HSD17B6: variants seen among roughly 807,000 people sequenced by gnomAD.
HSD17B6 encodes hydroxysteroid 17-beta dehydrogenase 6.
HSD17B6 carries 16 observed loss-of-function variants against 26.4 expected under a neutral mutation model. The ratio of observed to expected loss-of-function variants is 0.61; its 90% CI spans 0.41 to 0.92. The LOEUF is 0.92. HSD17B6 is among the 40% of genes least tolerant of loss of function. The pLI, the probability that HSD17B6 is intolerant of heterozygous loss-of-function variation, is 0.00. For missense variants in HSD17B6, 357 were observed against 386.1 expected, an observed-to-expected ratio of 0.92 and a Z score of 0.63; for synonymous variants, 139 against 153.0, an observed-to-expected ratio of 0.91 and a Z score of 0.68.
chr12:56,781,413 A>G (rs958622712), intron 2 of HSD17B6, among the ~76,000 whole-genome samples: 6 of 152,142 alleles, frequency 3.9e-5, no homozygotes, highest in Non-Finnish European at 7.4e-5. Flanking sequence ...CAATAGTTGT[A>G]TCTTTTATTT....
At chr12:56,771,493 C>T (rs1954472544) in intron 1 of HSD17B6, among the ~76,000 whole-genome samples, 1 of 129,898 alleles carries the variant, frequency 7.7e-6, no homozygotes, top group Non-Finnish European at 1.6e-5. Flanking sequence ...GAATCTCGCT[C>T]TGTCACCCAG....
chr12:56,778,256 T>G (rs1271135684), intron 2 of HSD17B6, among the ~76,000 whole-genome samples: 1 of 152,204 alleles, frequency 6.6e-6, no homozygotes, highest in African/African-American at 2.4e-5. Context: ...AAAGGAGTCT[T>G]TGTTTTCCTC....
chr12:56,772,697 CAA>C (rs374835392), intron 1 of HSD17B6, among the ~76,000 whole-genome samples: 50 of 62,666 alleles, frequency 8.0e-4, no homozygotes, highest in African/African-American at 2.0e-3. Context: ...AACTCTGTCT[CAA>C]AAAAAAAAAA....
At chr12:56,779,208 C>T (rs1246594440) in intron 2 of HSD17B6, among the ~76,000 whole-genome samples, 1 of 152,068 alleles carries the variant, frequency 6.6e-6, no homozygotes, top group Non-Finnish European at 1.5e-5. Flanking sequence ...ACGATCAGCT[C>T]ACTGTAATGT....
intron 1 of HSD17B6, among the ~76,000 whole-genome samples, chr12:56,768,394 C>T (rs1027980147): frequency 9.2e-5 from 14 of 151,692 alleles, no homozygotes; most frequent in African/African-American, 3.4e-4. Context: ...ATATTTTGGC[C>T]ATATGGGGAA....
intron 2 of HSD17B6, among the ~76,000 whole-genome samples, chr12:56,776,480 T>A (rs1056235061): frequency 4.6e-5 from 7 of 151,872 alleles, no homozygotes; most frequent in African/African-American, 1.7e-4. Context: ...ATTAAAAATT[T>A]TTTTTCTTTT....
rs1218579418 is a variant in HSD17B6 at position 56,784,828 on chromosome 12, C to T, written c.573-25C>T. 4 of 1,603,510 alleles carry T rather than the reference C, an allele frequency of 2.5e-6. No individual in the cohort carries two copies. In the African/African-American group the frequency reaches 4.0e-5, roughly 16 times the overall value. ...CATTGAAATGGTGGTGGTCTTTAAT[C>T]ATAACTTGTGGGGTTTTATTTCAGG... On this transcript the variant is annotated intron_variant, in intron 3 of 4. Coordinates refer to ENST00000322165, the MANE Select transcript of HSD17B6 (RefSeq NM_003725.4).
chr12:56,773,978 G>T lies in HSD17B6; in HGVS notation c.126G>T (p.Gly42=). The change falls in exon 2 of 5, where the codon GGG becomes GGT. Residue 42 remains glycine, a synonymous_variant. Transcript: ENST00000322165. Reference sequence around the variant, plus strand: ...TCACGGGCTGTGACTCGGGCTTTGGGAACCTGCTGGCCAGACAGCTGGATG... The same window carrying T: ...TCACGGGCTGTGACTCGGGCTTTGGTAACCTGCTGGCCAGACAGCTGGATG... The part of the protein sequence containing the change: ...VFITGCDSGF[G]NLLARQLDAR... 1.9e-6 allele frequency: 3 copies of T among 1,614,144 alleles called. No individual in the cohort carries two copies. Among genetic ancestry groups the T allele is most frequent in the Non-Finnish European group, 2.5e-6 (3 of 1,180,030 alleles).
chr12:56,781,894 T>G, intron 2 of HSD17B6, 80 bp from the exon 3 acceptor site: 1 of 1,443,904 alleles, frequency 6.9e-7, no homozygotes, highest in Non-Finnish European at 9.5e-7. Flanking sequence ...TCCTCAAGAG[T>G]GATTCTTTCC....
At chr12:56,781,846 G>A in intron 2 of HSD17B6, 128 bp from the exon 3 acceptor site, 1 of 928,682 alleles carries the variant, frequency 1.1e-6, no homozygotes, top group Non-Finnish European at 1.7e-6. Context: ...ATATCATTTG[G>A]GCTGCAAACT....
At chr12:56,782,326 T>C in intron 3 of HSD17B6, 94 bp downstream of exon 3, 1 of 1,156,890 alleles carries the variant, frequency 8.6e-7, no homozygotes, top group Non-Finnish European at 1.2e-6. Flanking sequence ...TCATCACTCC[T>C]CAAATCTTGA....
chr12:56,782,308 A>G lies in HSD17B6; in HGVS notation c.572+76A>G, dbSNP rs1954738217. 4.6e-6 allele frequency: 6 copies of G among 1,302,714 alleles called. No homozygotes were observed. In the East Asian group the frequency reaches 7.1e-5, roughly 15 times the overall value. The allele number at this position is 1,302,714 out of a possible 1,614,324, so 80.7% of individuals were successfully genotyped here. A position where few individuals can be genotyped will look rare whatever the true frequency, so the allele number is the denominator to read the frequency against. Reference sequence around the variant, plus strand: ...GGCATTGTGCTAGTTGCTTTCGCCTATCTTATTTCATCACTCCTCAAATCT... The same window carrying G: ...GGCATTGTGCTAGTTGCTTTCGCCTGTCTTATTTCATCACTCCTCAAATCT... On this transcript the variant is annotated intron_variant, in intron 3 of 4. Coordinates refer to ENST00000322165, the MANE Select transcript of HSD17B6 (RefSeq NM_003725.4).
At chr12:56,781,892 A>G in intron 2 of HSD17B6, 82 bp from the exon 3 acceptor site, 1 of 1,427,968 alleles carries the variant, frequency 7.0e-7, no homozygotes, top group Non-Finnish European at 9.7e-7. Context: ...ATTCCTCAAG[A>G]GTGATTCTTT....
chr12:56,783,613 G>A (rs1429860324), intron 3 of HSD17B6, among the ~76,000 whole-genome samples: 2 of 126,548 alleles, frequency 1.6e-5, no homozygotes, highest in South Asian at 2.8e-4. Context: ...CCTCCCTCCC[G>A]GACGGAGCGG....
intron 4 of HSD17B6, among the ~76,000 whole-genome samples, 167 bp downstream of exon 4, chr12:56,785,183 A>G (rs1954850171): frequency 6.6e-6 from 1 of 152,162 alleles, no homozygotes; most frequent in African/African-American, 2.4e-5. Context: ...ATCATGGCAG[A>G]AGGCACCTCT....
chr12:56,783,823 C>T (rs1169339379), intron 3 of HSD17B6, among the ~76,000 whole-genome samples: 3 of 151,906 alleles, frequency 2.0e-5, no homozygotes, highest in Admixed American at 6.5e-5. Flanking sequence ...GGGGCTGACC[C>T]CCACCTCCCT....
chr12:56,772,796 G>A (rs772460769), intron 1 of HSD17B6, among the ~76,000 whole-genome samples: 4 of 151,938 alleles, frequency 2.6e-5, no homozygotes, highest in South Asian at 4.2e-4. Context: ...GGCGTAAAAA[G>A]CCTGTGCTTT....
In HSD17B6 at chr12:56,765,211, C is replaced by T. The variant is rs528865133; in HGVS notation, c.-20+1797C>T. On this transcript the variant is annotated intron_variant, in intron 1 of 4. Transcript: ENST00000322165. ...CAGCACTTTGGGAGGCTGAGGCAGGCGGATCACGAGGTCAGGAGTTTGAGA... is the reference window on the plus strand; with the variant it reads ...CAGCACTTTGGGAGGCTGAGGCAGGTGGATCACGAGGTCAGGAGTTTGAGA... 1.3e-4 allele frequency among the ~76,000 whole-genome samples: 19 copies of T among 151,952 alleles called. No homozygotes were observed. The South Asian group carries it at 2.3e-3, about 18-fold the overall frequency.
At chr12:56,764,925 A>G (rs974166542) in intron 1 of HSD17B6, among the ~76,000 whole-genome samples, 4 of 152,066 alleles carry the variant, frequency 2.6e-5, no homozygotes, top group Non-Finnish European at 5.9e-5. Context: ...CCCAGGTTCA[A>G]GCTATTCTCC....
Sources: allele counts gnomAD v4.1 joint callset (sites outside exome capture counted in the v4.1 genomes callset), GRCh38; gene constraint gnomAD v4.1.1; transcripts MANE v1.5; gene names NCBI Gene and HGNC (gene_info 2026-07-23, HGNC 2026-07-21).